Variants in EXT1 observed in about 807,000 individuals in gnomAD.
EXT1 encodes exostosin glycosyltransferase 1.
EXT1 carries 20 observed loss-of-function variants against 82.5 expected under a neutral mutation model. That is an observed-to-expected ratio of 0.24 (90% confidence interval 0.17 to 0.35). The LOEUF is 0.35. EXT1 is among the 10% of genes least tolerant of loss of function. EXT1 has a pLI of 1.00. For missense variants in EXT1, 757 were observed against 936.5 expected (o/e 0.81, Z 2.50); for synonymous variants, 348 against 350.8 (o/e 0.99, Z 0.09).
At chr8:117,976,658 G>T (rs2129754722) in intron 1 of EXT1, among the ~76,000 whole-genome samples, 1 of 152,302 alleles carries the variant, frequency 6.6e-6, no homozygotes, top group East Asian at 1.9e-4. Flanking sequence ...GTAATTACAT[G>T]GGTATAGACA....
At chr8:117,819,508 G>C (rs1183576897) in intron 6 of EXT1, among the ~76,000 whole-genome samples, 168 bp downstream of exon 6, 1 of 152,192 alleles carries the variant, frequency 6.6e-6, no homozygotes, top group East Asian at 1.9e-4. Flanking sequence ...ATTTCTAAGT[G>C]GATGAAAAGG....
chr8:117,906,856 T>C (rs971736841), intron 1 of EXT1, among the ~76,000 whole-genome samples: 1 of 152,180 alleles, frequency 6.6e-6, no homozygotes, highest in Non-Finnish European at 1.5e-5. Flanking sequence ...GGTCTTGTCA[T>C]ACAGGTCTTA....
intron 1 of EXT1, among the ~76,000 whole-genome samples, chr8:117,873,603 A>G (rs6469714): frequency 0.49 from 74,771 of 151,662 alleles, 21,305 homozygotes; most frequent in African/African-American, 0.79. Flanking sequence ...TTACAGGTGC[A>G]TGCCACCACG....
chr8:117,923,161 C>A (rs1325028652), intron 1 of EXT1, among the ~76,000 whole-genome samples: 2 of 151,824 alleles, frequency 1.3e-5, no homozygotes, highest in Non-Finnish European at 2.9e-5. Context: ...CCCGTCTTTA[C>A]TAAAAATACA....
intron 1 of EXT1, among the ~76,000 whole-genome samples, chr8:118,052,825 G>C (rs539199406): frequency 1.9e-4 from 29 of 152,314 alleles, no homozygotes; most frequent in Admixed American, 8.5e-4. Flanking sequence ...CTGCAGTGAA[G>C]GCAACACAAG....
At chr8:117,820,063 G>A (rs981204714) in intron 5 of EXT1, among the ~76,000 whole-genome samples, 6 of 152,146 alleles carry the variant, frequency 3.9e-5, no homozygotes, top group Non-Finnish European at 8.8e-5. Flanking sequence ...TGATGTTTCT[G>A]TGATGTCCCT....
chr8:118,085,715 G>A lies in EXT1; in HGVS notation c.962+24370C>T, dbSNP rs555311497. On this transcript the variant is annotated intron_variant, in intron 1 of 10. Transcript: ENST00000378204. Reference sequence around the variant, plus strand: ...TCTATCCTATGTTACTCGTGTGTGTGACGGAGGCAAAAAAAAAAAGCAGTG... The same window carrying A: ...TCTATCCTATGTTACTCGTGTGTGTAACGGAGGCAAAAAAAAAAAGCAGTG... Among the ~76,000 whole-genome samples, 6 of 150,938 alleles carry A rather than the reference G, an allele frequency of 4.0e-5. No individual in the cohort carries two copies. In the South Asian group the frequency reaches 1.0e-3, roughly 26 times the overall value.
In EXT1 at chr8:118,111,625, C is replaced by A. The variant is rs1168630667; in HGVS notation, c.-579G>T. ...CTCTCTTTATTCCCTTCTGCAGCGG[C>A]TCCAAGACTCCGGCGGTGTTTACTC... On this transcript the variant is annotated 5_prime_UTR_variant, in exon 1 of 11. Coordinates refer to ENST00000378204, the MANE Select transcript of EXT1 (RefSeq NM_000127.3). The A allele has an allele frequency of 2.0e-5, 8 of 397,350 alleles. No individual in the cohort carries two copies. Among genetic ancestry groups the A allele is most frequent in the Non-Finnish European group, 3.5e-5 (8 of 225,638 alleles). 24.6% of individuals were successfully genotyped at this position (397,350 alleles called of 1,614,324 possible). A position where few individuals can be genotyped will look rare whatever the true frequency, so the allele number is the denominator to read the frequency against.
intron 1 of EXT1, among the ~76,000 whole-genome samples, chr8:117,883,809 G>T (rs940616361): frequency 6.6e-6 from 1 of 152,210 alleles, no homozygotes; most frequent in Admixed American, 6.5e-5. Flanking sequence ...CCAGGCAGCC[G>T]TCTAACAGCA....
chr8:117,995,485 T>G (rs548642087), intron 1 of EXT1, among the ~76,000 whole-genome samples: 55 of 152,242 alleles, frequency 3.6e-4, no homozygotes, highest in Non-Finnish European at 4.6e-4. Flanking sequence ...ATGGCGTGGG[T>G]GGGGACACAC....
At chr8:117,893,993 C>T (rs1428947575) in intron 1 of EXT1, among the ~76,000 whole-genome samples, 2 of 152,120 alleles carry the variant, frequency 1.3e-5, no homozygotes, top group African/African-American at 4.8e-5. Context: ...GTCTGTTTAG[C>T]AAGAATCTTC....
chr8:118,053,792 T>A (rs10099230), intron 1 of EXT1, among the ~76,000 whole-genome samples: 65,880 of 152,058 alleles, frequency 0.43, 14,515 homozygotes, highest in Middle Eastern at 0.51. Context: ...CTGTCAATGC[T>A]CTGAACCATG....
At chr8:117,985,815 G>T (rs549316717) in intron 1 of EXT1, among the ~76,000 whole-genome samples, 1 of 152,250 alleles carries the variant, frequency 6.6e-6, no homozygotes, top group African/African-American at 2.4e-5. Context: ...TAGCTCTTTG[G>T]CTAATTTATC....
chr8:117,819,867 C>G, intron 5 of EXT1, 73 bp from the exon 6 acceptor site: 1 of 1,369,866 alleles, frequency 7.3e-7, no homozygotes, highest in Non-Finnish European at 1.0e-6. Context: ...CCTCCTTGCT[C>G]CGCTGCCTCA....
At chr8:118,110,055 T>G in intron 1 of EXT1, 30 bp downstream of exon 1, 1 of 1,613,012 alleles carries the variant, frequency 6.2e-7, no homozygotes, top group Non-Finnish European at 8.5e-7. Context: ...CAAGGCTGAC[T>G]CCCAAAGACA....
At chr8:117,807,424 A>G in intron 8 of EXT1, 47 bp from the exon 9 acceptor site, 2 of 1,608,268 alleles carry the variant, frequency 1.2e-6, no homozygotes, top group Non-Finnish European at 1.7e-6. Flanking sequence ...GTGTTAACAA[A>G]TGTCAACAAA....
chr8:117,904,810 GGAGA>G, intron 1 of EXT1, among the ~76,000 whole-genome samples: 1 of 151,226 alleles, frequency 6.6e-6, no homozygotes, highest in Non-Finnish European at 1.5e-5. Context: ...GAGGGAAGTA[GGAGA>G]GAGAGAGAAA....
At chr8:118,061,559 G>A in intron 1 of EXT1, among the ~76,000 whole-genome samples, 1 of 152,140 alleles carries the variant, frequency 6.6e-6, no homozygotes, top group East Asian at 1.9e-4. Flanking sequence ...TTACAAAAAT[G>A]TCCAAACATA....
chr8:118,028,631 TA>T (rs1006831019), intron 1 of EXT1, among the ~76,000 whole-genome samples: 21 of 150,626 alleles, frequency 1.4e-4, no homozygotes, highest in African/African-American at 3.2e-4. Context: ...AAAAATAAAA[TA>T]AAAAAAAAGT....
Sources: allele counts gnomAD v4.1 joint callset (sites outside exome capture counted in the v4.1 genomes callset), GRCh38; gene constraint gnomAD v4.1.1; transcripts MANE v1.5; gene names NCBI Gene and HGNC (gene_info 2026-07-23, HGNC 2026-07-21).